The following ITGA11 variants were observed in gnomAD, a reference collection of about 807,000 sequenced individuals.
ITGA11 encodes integrin alpha-11.
A neutral mutation model predicts 141.9 loss-of-function variants in ITGA11; 97 were observed. The observed-to-expected ratio is 0.68, with a 90% CI of 0.58 to 0.81. ITGA11 has a LOEUF of 0.81. Ranked by LOEUF, ITGA11 falls within the 30% of genes least tolerant of loss-of-function variation. ITGA11 has a pLI of 0.00. For missense variants in ITGA11, 1,387 were observed against 1,559.2 expected (o/e 0.89, Z 1.86); for synonymous variants, 658 against 624.6 (o/e 1.05, Z -0.80).
At chr15:68,318,060 G>A (rs1893656504) in intron 20 of ITGA11, among the ~76,000 whole-genome samples, 2 of 152,176 alleles carry the variant, frequency 1.3e-5, no homozygotes, top group African/African-American at 4.8e-5. Flanking sequence ...TGAGAGGGGT[G>A]CTTTCTCTAC....
rs1194065840 is a variant in ITGA11, at chr15:68,400,759, ATAT to A, written c.164+2156_164+2158del. On this transcript the variant is annotated intron_variant, in intron 2 of 29. Coordinates refer to ENST00000315757, the MANE Select transcript of ITGA11 (RefSeq NM_001004439.2). Reference sequence around the variant, plus strand: ...TATATATTATATAATAAATATTATAATATTATATATTATATAATAAATATTATA... The same window carrying A: ...TATATATTATATAATAAATATTATAATATATATTATATAATAAATATTATA... Among the ~76,000 whole-genome samples, 4 of 18,520 alleles carry A rather than the reference ATAT, an allele frequency of 2.2e-4. 2 individuals are homozygous for A. Among genetic ancestry groups the A allele is most frequent in the African/African-American group, 9.8e-4 (2 of 2,044 alleles). The allele number at this position is 18,520 out of a possible 152,430, so 12.1% of individuals were successfully genotyped here.
chr15:68,375,368 C>T (rs1567149528), intron 2 of ITGA11, among the ~76,000 whole-genome samples: 1 of 152,232 alleles, frequency 6.6e-6, no homozygotes, highest in African/African-American at 2.4e-5. Flanking sequence ...CTTTCTCTCC[C>T]TCTCTCTCCA....
intron 2 of ITGA11, among the ~76,000 whole-genome samples, chr15:68,370,125 T>C (rs764103341): frequency 1.3e-5 from 2 of 152,152 alleles, no homozygotes; most frequent in Admixed American, 6.5e-5. Flanking sequence ...GCGGACCTGG[T>C]GCTGCTTCCT....
intron 1 of ITGA11, among the ~76,000 whole-genome samples, chr15:68,415,812 A>G (rs968417781): frequency 2.0e-5 from 3 of 152,230 alleles, no homozygotes; most frequent in African/African-American, 7.2e-5. Context: ...GTCAGCTGAG[A>G]GTCTTGAAGA....
chr15:68,424,778 A>G (rs1897101582), intron 1 of ITGA11, among the ~76,000 whole-genome samples: 1 of 152,240 alleles, frequency 6.6e-6, no homozygotes, highest in Admixed American at 6.5e-5. Context: ...CCAGCTTCTC[A>G]AGTCTGCCAA....
chr15:68,396,717 TA>T (rs1896251358), intron 2 of ITGA11, among the ~76,000 whole-genome samples: 1 of 150,602 alleles, frequency 6.6e-6, no homozygotes, highest in Non-Finnish European at 1.5e-5. Flanking sequence ...ATGACTTTAG[TA>T]AAGTTGCTGG....
intron 1 of ITGA11, among the ~76,000 whole-genome samples, chr15:68,407,569 C>T (rs949063811): frequency 6.6e-6 from 1 of 152,142 alleles, no homozygotes; most frequent in Non-Finnish European, 1.5e-5. Flanking sequence ...TGGGAATGAA[C>T]AGGCTGATTG....
intron 2 of ITGA11, among the ~76,000 whole-genome samples, chr15:68,396,229 ATAGT>A (rs1192305173): frequency 1.3e-5 from 2 of 148,604 alleles, no homozygotes; most frequent in African/African-American, 2.5e-5. Flanking sequence ...AGTTGGTTTA[ATAGT>A]TAAAGAAAAT....
At chr15:68,429,134 C>T (rs1340426918) in intron 1 of ITGA11, among the ~76,000 whole-genome samples, 1 of 152,186 alleles carries the variant, frequency 6.6e-6, no homozygotes, top group Non-Finnish European at 1.5e-5. Flanking sequence ...TAATACATGC[C>T]TGGCACTTTC....
intron 1 of ITGA11, among the ~76,000 whole-genome samples, chr15:68,410,571 C>A (rs1480410827): frequency 6.6e-6 from 1 of 152,218 alleles, no homozygotes; most frequent in Non-Finnish European, 1.5e-5. Context: ...AAGTAATGAG[C>A]TTCAGATGGC....
At chr15:68,342,620 C>G (rs1894605410) in intron 10 of ITGA11, among the ~76,000 whole-genome samples, 1 of 152,222 alleles carries the variant, frequency 6.6e-6, no homozygotes, top group African/African-American at 2.4e-5. Context: ...CCATATCTCT[C>G]AAAGCCCTGT....
intron 1 of ITGA11, among the ~76,000 whole-genome samples, chr15:68,427,827 T>C (rs1897180129): frequency 6.6e-6 from 1 of 152,122 alleles, no homozygotes; most frequent in African/African-American, 2.4e-5. Context: ...TGAAGATGTG[T>C]GGGTGTCTTT....
At chr15:68,382,211 A>G (rs1341894462) in intron 2 of ITGA11, among the ~76,000 whole-genome samples, 1 of 152,206 alleles carries the variant, frequency 6.6e-6, no homozygotes, top group East Asian at 1.9e-4. Flanking sequence ...GAAGTGTGTC[A>G]TTACATTTTT....
intron 7 of ITGA11, among the ~76,000 whole-genome samples, chr15:68,352,835 A>G (rs11636019): frequency 0.058 from 8,833 of 152,244 alleles, 474 homozygotes; most frequent in African/African-American, 0.14. Flanking sequence ...GGCTCTTGTA[A>G]CAGGCCATTG....
At chr15:68,418,354 A>G (rs1226259440) in intron 1 of ITGA11, among the ~76,000 whole-genome samples, 2 of 152,156 alleles carry the variant, frequency 1.3e-5, no homozygotes, top group Admixed American at 1.3e-4. Flanking sequence ...TCAGGGAGGG[A>G]AGGAACTTAG....
In ITGA11 at chr15:68,424,044, C is replaced by A. The variant is rs147932075; in HGVS notation, c.52+7971G>T. Among the ~76,000 whole-genome samples the A allele has an allele frequency of 6.4e-3, 978 of 152,362 alleles. 12 individuals are homozygous for A. Among genetic ancestry groups the A allele is most frequent in the African/African-American group, 0.022 (904 of 41,590 alleles). On this transcript the variant is annotated intron_variant, in intron 1 of 29. Coordinates refer to ENST00000315757, the MANE Select transcript of ITGA11 (RefSeq NM_001004439.2). ...GTCTGTGGACAGCTCTGACTGGCAT[C>A]CTCAGCCAAATCAATTTATCTATAG... is the stretch of plus-strand genomic sequence containing the variant.
At position 68,377,739 on chromosome 15, in the gene ITGA11, G is replaced by A. The variant is rs141367615; in HGVS notation, c.165-8455C>T. Among the ~76,000 whole-genome samples, 1,219 of 152,310 alleles carry A rather than the reference G, an allele frequency of 8.0e-3. 21 individuals carry two copies. The highest frequency in any genetic ancestry group is 0.028 in the African/African-American group (1,160 of 41,544). On this transcript the variant is annotated intron_variant, in intron 2 of 29. Coordinates refer to ENST00000315757, the MANE Select transcript of ITGA11 (RefSeq NM_001004439.2). ...CATGCTTTTTCCATTTAATTATTTT[G>A]TATGTGGACATATTTCTGTGTTAAT...
intron 9 of ITGA11, among the ~76,000 whole-genome samples, chr15:68,349,391 A>G (rs1270960487): frequency 1.3e-5 from 2 of 152,202 alleles, no homozygotes; most frequent in Admixed American, 1.3e-4. Flanking sequence ...TTTGCGTAAG[A>G]AATCCCATGA....
chr15:68,374,311 T>A (rs1895672472), intron 2 of ITGA11, among the ~76,000 whole-genome samples: 1 of 152,224 alleles, frequency 6.6e-6, no homozygotes, highest in Non-Finnish European at 1.5e-5. Context: ...GCATCCCACA[T>A]ATAACAGCTG....
Sources: allele counts gnomAD v4.1 joint callset (sites outside exome capture counted in the v4.1 genomes callset), GRCh38; gene constraint gnomAD v4.1.1; transcripts MANE v1.5; gene names NCBI Gene and HGNC (gene_info 2026-07-23, HGNC 2026-07-21).